The following UBR2 variants were observed in gnomAD, a reference collection of about 807,000 sequenced individuals.
UBR2 encodes the protein ubiquitin protein ligase E3 component n-recognin 2.
A neutral mutation model predicts 247.9 loss-of-function variants in UBR2; 92 were observed. The ratio of observed to expected loss-of-function variants is 0.37; its 90% CI spans 0.31 to 0.44. The LOEUF (loss-of-function observed/expected upper bound fraction) is 0.44, where lower values mean the gene tolerates loss of function less well. Among genes scored for constraint, UBR2 ranks in the 20% least tolerant of loss-of-function variants. The pLI is 1.00. For missense variants in UBR2, 1,613 were observed against 2,112.6 expected (o/e 0.76, Z 4.64); for synonymous variants, 672 against 693.5 (o/e 0.97, Z 0.49).
rs768288745 is a variant in UBR2 at position 42,594,249 on chromosome 6, A to C, written c.476A>C (p.Glu159Ala). The change falls in exon 4 of 47, where the codon GAG becomes GCG. Residue 159 changes from glutamate to alanine, a missense_variant. Glu to Ala is a moderately radical substitution (Grantham distance 107). This residue lies in a region of UBR2 where 1,524 missense variants were observed against 1,967.3 expected (regional missense o/e 0.77). Transcript: ENST00000372901. The part of the protein sequence containing the change: ...CDCGDTEAWK[E>A]GPYCQKHELN... ...TGTGGTGATACTGAAGCCTGGAAAGAGGGTCCTTACTGTCAAAAACATGAA... is the reference window on the plus strand; with the variant it reads ...TGTGGTGATACTGAAGCCTGGAAAGCGGGTCCTTACTGTCAAAAACATGAA... 1 of 1,613,390 alleles carries C rather than the reference A, an allele frequency of 6.2e-7. No homozygotes were observed. Among genetic ancestry groups the C allele is most frequent in the South Asian group, 1.1e-5 (1 of 91,000 alleles).
At chr6:42,631,477 A>G (rs1795705353) in intron 11 of UBR2, among the ~76,000 whole-genome samples, 1 of 152,166 alleles carries the variant, frequency 6.6e-6, no homozygotes. Context: ...ATTAAAATTT[A>G]TTATGTGCAT....
At chr6:42,647,417 T>TA (rs750938791) in intron 21 of UBR2, among the ~76,000 whole-genome samples, 14,239 of 100,976 alleles carry the variant, frequency 0.14, 1,363 homozygotes, top group East Asian at 0.19. Flanking sequence ...CCATCGCTAC[T>TA]AAAAAAAAAA....
At chr6:42,632,069 A>AAAAATATATAT (rs56721828) in intron 11 of UBR2, among the ~76,000 whole-genome samples, 1 of 114,088 alleles carries the variant, frequency 8.8e-6, no homozygotes, top group African/African-American at 3.4e-5. Context: ...AAAAAAAAAA[A>AAAAATATATAT]ATATATATAT....
At chr6:42,614,205 A>AATAT (rs1562310782) in intron 8 of UBR2, among the ~76,000 whole-genome samples, 448 of 26,544 alleles carry the variant, frequency 0.017, 32 homozygotes, top group East Asian at 0.022. Flanking sequence ...AAAAAAAAAA[A>AATAT]CTATATATAT....
At chr6:42,685,042 G>A (rs1311372565) in intron 44 of UBR2, among the ~76,000 whole-genome samples, 171 bp downstream of exon 44, 4 of 152,042 alleles carry the variant, frequency 2.6e-5, no homozygotes, top group African/African-American at 9.7e-5. Context: ...GGCGAGGCAC[G>A]GTGGCTCACG....
At chr6:42,580,545 A>C (rs1791813909) in intron 2 of UBR2, among the ~76,000 whole-genome samples, 6 of 137,494 alleles carry the variant, frequency 4.4e-5, no homozygotes, top group Admixed American at 4.2e-4. Context: ...TCTTAATTGT[A>C]CATTTTTTTT....
intron 15 of UBR2, among the ~76,000 whole-genome samples, chr6:42,638,041 TG>T (rs1280939203): frequency 6.6e-6 from 1 of 152,226 alleles, no homozygotes; most frequent in African/African-American, 2.4e-5. Context: ...TGTTTTGTTT[TG>T]TTTTTTTCTG....
Position 42,689,971 on chromosome 6 carries a change from G to A in UBR2, c.5126+301G>A, listed in dbSNP as rs1398964060. Among the ~76,000 whole-genome samples, 1 of 152,182 alleles carries A rather than the reference G, an allele frequency of 6.6e-6. No homozygotes were observed. Among genetic ancestry groups the A allele is most frequent in the Non-Finnish European group, 1.5e-5 (1 of 68,042 alleles). ...GCATCCCAGCTCAGAGCACTCCAGG[G>A]ATGGCCCACTCTGACTTGTATGGCC... is the stretch of plus-strand genomic sequence containing the variant. On this transcript the variant is annotated intron_variant, in intron 46 of 46. Coordinates refer to ENST00000372901, the MANE Select transcript of UBR2 (RefSeq NM_001363705.2). The surrounding 1 kb of genome is among the most constrained non-coding windows in gnomAD (Gnocchi z 4.0).
intron 21 of UBR2, among the ~76,000 whole-genome samples, chr6:42,646,674 C>T (rs1796771168): frequency 6.6e-6 from 1 of 151,988 alleles, no homozygotes; most frequent in Non-Finnish European, 1.5e-5. Context: ...CCCAGGACAA[C>T]CCCCTACAAC....
At chr6:42,622,030 T>G (rs1795020613) in intron 11 of UBR2, among the ~76,000 whole-genome samples, 1 of 152,162 alleles carries the variant, frequency 6.6e-6, no homozygotes, top group Non-Finnish European at 1.5e-5. Context: ...TTTTTTTTCT[T>G]TTTGAGATGG....
chr6:42,578,799 C>G (rs922887551), intron 2 of UBR2, among the ~76,000 whole-genome samples: 1 of 152,058 alleles, frequency 6.6e-6, no homozygotes, highest in Non-Finnish European at 1.5e-5. Flanking sequence ...CTTTTCTCTA[C>G]TTAAAATACA....
rs143551821 is a variant in UBR2 at position 42,616,069 on chromosome 6, A to T, written c.1161A>T (p.Leu387=). ...TTATGGATTTGAAATACAAGAAACT[A>T]TTTGCTGTTCGATTTGCAAAAGTAA... ...SLLMDLKYKK[L]FAVRFAKNYE... Residue 387 remains leucine (L), a synonymous_variant, in exon 10 of 47, where the codon CTA becomes CTT. Coordinates refer to ENST00000372901, the MANE Select transcript of UBR2 (RefSeq NM_001363705.2). 6.2e-7 allele frequency: 1 copy of T among 1,607,632 alleles called. No individual in the cohort carries two copies. The highest frequency in any genetic ancestry group is 8.5e-7 in the Non-Finnish European group (1 of 1,178,586).
intron 46 of UBR2, 111 bp from the exon 47 acceptor site, chr6:42,690,921 C>A: frequency 7.4e-7 from 1 of 1,343,202 alleles, no homozygotes; most frequent in Non-Finnish European, 1.0e-6. Flanking sequence ...AGAAATGTTG[C>A]AGGGAGTCTA....
intron 11 of UBR2, among the ~76,000 whole-genome samples, chr6:42,629,488 T>G (rs1582586001): frequency 6.6e-6 from 1 of 152,096 alleles, no homozygotes; most frequent in South Asian, 2.1e-4. Flanking sequence ...ACCCTGTCTC[T>G]ACTAAATATA....
Position 42,644,295 on chromosome 6 carries a change from C to T in UBR2, c.2179C>T (p.Pro727Ser), listed in dbSNP as rs764852145. ...RFELYQIFST[P>S]DYGKRFSSEI... ...TGAACTTTATCAGATTTTCAGTACT[C>T]CAGACTATGGAAAAAGATTTAGTTC... Residue 727 changes from proline to serine, a missense_variant, in exon 19 of 47, where the codon CCA becomes TCA. Transcript: ENST00000372901. 1.9e-5 allele frequency: 31 copies of T among 1,613,296 alleles called. No individual in the cohort carries two copies. The Middle Eastern group carries it at 8.2e-4, about 43-fold the overall frequency.
chr6:42,622,617 T>C (rs1795062308), intron 11 of UBR2, among the ~76,000 whole-genome samples: 1 of 151,808 alleles, frequency 6.6e-6, no homozygotes, highest in Non-Finnish European at 1.5e-5. Flanking sequence ...TTAGCCAGAC[T>C]GGTCTCAAAC....
chr6:42,685,550 C>T (rs1251437574), intron 44 of UBR2, among the ~76,000 whole-genome samples: 6 of 151,314 alleles, frequency 4.0e-5, no homozygotes, highest in African/African-American at 1.5e-4. Context: ...CTGCAACCTC[C>T]GCCTCCCAGA....
At chr6:42,634,889 T>G (rs2151952939) in intron 13 of UBR2, among the ~76,000 whole-genome samples, 1 of 152,360 alleles carries the variant, frequency 6.6e-6, no homozygotes, top group South Asian at 2.1e-4. Flanking sequence ...CTGTATTCTC[T>G]ATTGTTTAAT....
At chr6:42,681,162 C>CAAAAA (rs59312824) in intron 42 of UBR2, among the ~76,000 whole-genome samples, 1 of 50,572 alleles carries the variant, frequency 2.0e-5, no homozygotes, top group African/African-American at 6.0e-5. Context: ...GACTCCGTCT[C>CAAAAA]AAAAAAAAAA....
Sources: allele counts gnomAD v4.1 joint callset (sites outside exome capture counted in the v4.1 genomes callset), GRCh38; gene constraint gnomAD v4.1.1; regional missense constraint gnomAD v4.1.1; non-coding constraint Gnocchi (gnomAD v3.1); transcripts MANE v1.5; gene names NCBI Gene and HGNC (gene_info 2026-07-23, HGNC 2026-07-21).